Variants in CCDC91 observed in about 807,000 individuals in gnomAD.
The protein encoded by CCDC91 is coiled-coil domain-containing protein 91.
A neutral mutation model predicts 63.2 loss-of-function variants in CCDC91; 48 were observed. The ratio of observed to expected loss-of-function variants is 0.76; its 90% CI spans 0.60 to 0.97. CCDC91 has a LOEUF of 0.97. Ranked by LOEUF, CCDC91 falls within the 50% of genes least tolerant of loss-of-function variation. CCDC91 has a pLI of 0.00. For missense variants in CCDC91, 500 were observed against 494.6 expected (o/e 1.01, Z -0.10); for synonymous variants, 167 against 165.8 (o/e 1.01, Z -0.06).
intron 3 of CCDC91, among the ~76,000 whole-genome samples, chr12:28,277,928 T>C (rs1258920455): frequency 2.0e-5 from 3 of 152,006 alleles, no homozygotes; most frequent in African/African-American, 7.2e-5. Flanking sequence ...GTCATACTAG[T>C]GGCCCAGTGA....
At chr12:28,354,565 A>G (rs1592402812) in intron 6 of CCDC91, among the ~76,000 whole-genome samples, 3 of 152,322 alleles carry the variant, frequency 2.0e-5, no homozygotes, top group East Asian at 3.9e-4. Context: ...AAATATATGA[A>G]GGCAAATAAT....
At chr12:28,388,999 A>G (rs1945776988) in intron 7 of CCDC91, among the ~76,000 whole-genome samples, 1 of 152,190 alleles carries the variant, frequency 6.6e-6, no homozygotes, top group Non-Finnish European at 1.5e-5. Flanking sequence ...AAACAAAGAT[A>G]AATAGGTGGG....
At chr12:28,191,582 A>G (rs1234917035) in intron 1 of CCDC91, among the ~76,000 whole-genome samples, 1 of 151,922 alleles carries the variant, frequency 6.6e-6, no homozygotes, top group Non-Finnish European at 1.5e-5. Context: ...TGCGTGGTGG[A>G]GTTATTGGAG....
At chr12:28,445,835 T>A (rs937524425) in intron 8 of CCDC91, among the ~76,000 whole-genome samples, 1 of 152,144 alleles carries the variant, frequency 6.6e-6, no homozygotes, top group Non-Finnish European at 1.5e-5. Context: ...TTCCCCATCC[T>A]CAGGACTTTG....
At chr12:28,280,235 A>T (rs1948517026) in intron 3 of CCDC91, among the ~76,000 whole-genome samples, 1 of 152,160 alleles carries the variant, frequency 6.6e-6, no homozygotes, top group African/African-American at 2.4e-5. Flanking sequence ...CTTTTTAATA[A>T]TCTTATACAG....
intron 12 of CCDC91, among the ~76,000 whole-genome samples, chr12:28,497,850 TTAGAG>T (rs1952391373): frequency 6.6e-6 from 1 of 151,666 alleles, no homozygotes; most frequent in Non-Finnish European, 1.5e-5. Flanking sequence ...CCTTTGTAGT[TTAGAG>T]TACTTATTCG....
At chr12:28,543,854 CT>C (rs1197952436) in intron 12 of CCDC91, among the ~76,000 whole-genome samples, 4 of 152,094 alleles carry the variant, frequency 2.6e-5, no homozygotes, top group South Asian at 2.1e-4. Context: ...AAAGAATCGC[CT>C]TTTATTTCTC....
intron 7 of CCDC91, among the ~76,000 whole-genome samples, chr12:28,390,426 T>C (rs1945860942): frequency 1.3e-5 from 2 of 152,278 alleles, no homozygotes; most frequent in Middle Eastern, 6.8e-3. Context: ...AGAGTTCTTA[T>C]AGAATGATTT....
chr12:28,241,721 G>A (rs1425443769), intron 1 of CCDC91, among the ~76,000 whole-genome samples: 1 of 151,992 alleles, frequency 6.6e-6, no homozygotes, highest in Non-Finnish European at 1.5e-5. Flanking sequence ...TTCTTGCGGG[G>A]CGTGGTGGCT....
intron 3 of CCDC91, among the ~76,000 whole-genome samples, chr12:28,274,058 T>C (rs1445026903): frequency 1.3e-5 from 2 of 152,232 alleles, no homozygotes; most frequent in Non-Finnish European, 2.9e-5. Flanking sequence ...TTTCTGCATA[T>C]GGCTAGCTGG....
intron 1 of CCDC91, among the ~76,000 whole-genome samples, chr12:28,247,207 G>A (rs1289276587): frequency 7.2e-5 from 11 of 152,160 alleles, no homozygotes; most frequent in African/African-American, 2.2e-4. Context: ...TGGGCTGGGC[G>A]TGGTGGCTCA....
intron 1 of CCDC91, among the ~76,000 whole-genome samples, chr12:28,251,546 G>GT (rs1157317107): frequency 2.0e-5 from 3 of 151,872 alleles, no homozygotes; most frequent in Admixed American, 6.6e-5. Flanking sequence ...ATGCCATGTT[G>GT]TTTTTTTGTG....
chr12:28,542,418 C>A (rs562843892), intron 12 of CCDC91, among the ~76,000 whole-genome samples: 2 of 152,102 alleles, frequency 1.3e-5, no homozygotes, highest in East Asian at 3.9e-4. Context: ...TATATGTTGA[C>A]ATTTTTGAAC....
intron 12 of CCDC91, among the ~76,000 whole-genome samples, chr12:28,511,298 A>G (rs919823331): frequency 1.2e-4 from 18 of 151,936 alleles, no homozygotes; most frequent in African/African-American, 4.3e-4. Context: ...TTCCCAGAGC[A>G]TAAATCAGAT....
At position 28,253,349 on chromosome 12, in the gene CCDC91, A is replaced by T. The variant is rs796888527; in HGVS notation, c.-14-3853A>T. On this transcript the variant is annotated intron_variant, in intron 1 of 12. Transcript: ENST00000536442. ...TTAACCACCCTCTCCCCTCCCCAAG[A>T]TATAACTTCACCTAGTCCACCTGTG... Among the ~76,000 whole-genome samples the T allele has an allele frequency of 2.6e-5, 4 of 152,258 alleles. No individual in the cohort carries two copies. The South Asian group carries it at 8.3e-4, about 32-fold the overall frequency.
At position 28,304,612 on chromosome 12, in the gene CCDC91, A is replaced by G. The variant is rs374328701; in HGVS notation, c.110-1037A>G. On this transcript the variant is annotated intron_variant, in intron 3 of 12. Transcript: ENST00000536442. ...TTGTTTATATCTAATGGCCTTATAA[A>G]TGTCTTTCTTCAGGGAAACATGCAA... is the stretch of plus-strand genomic sequence containing the variant. 1.7e-5 allele frequency: 21 copies of G among 1,210,292 alleles called. No individual in the cohort carries two copies. The East Asian group carries it at 3.4e-4, about 20-fold the overall frequency. 75.0% of individuals were successfully genotyped at this position (1,210,292 alleles called of 1,614,324 possible).
chr12:28,205,107 T>G (rs1476081219), intron 1 of CCDC91, among the ~76,000 whole-genome samples: 2 of 152,044 alleles, frequency 1.3e-5, no homozygotes, highest in African/African-American at 2.4e-5. Flanking sequence ...TTCATAATGG[T>G]GAAGAGGAAA....
chr12:28,206,095 G>T (rs903461607), intron 1 of CCDC91, among the ~76,000 whole-genome samples: 1 of 152,158 alleles, frequency 6.6e-6, no homozygotes, highest in African/African-American at 2.4e-5. Flanking sequence ...TCTCCTGTAG[G>T]ATCTATGTGT....
chr12:28,475,245 T>C (rs1951023046), intron 11 of CCDC91, among the ~76,000 whole-genome samples: 1 of 152,130 alleles, frequency 6.6e-6, no homozygotes, highest in Admixed American at 6.6e-5. Context: ...TTAAGGCTTA[T>C]TATCACTTTG....
Sources: gnomAD v4.1 joint callset for allele counts (sites outside exome capture counted in the v4.1 genomes callset) on GRCh38, gnomAD v4.1.1 for gene constraint, MANE v1.5 for transcripts, NCBI Gene and HGNC (gene_info 2026-07-23, HGNC 2026-07-21) for gene names.